Variants in CNIH3 observed in about 807,000 individuals in gnomAD.
CNIH3 encodes the protein cornichon family AMPA receptor auxiliary protein 3.
Under a neutral mutation model 24.1 loss-of-function variants are expected in CNIH3, and 14 were observed. The observed-to-expected ratio is 0.58, with a 90% confidence interval of 0.38 to 0.91. The LOEUF (loss-of-function observed/expected upper bound fraction) is 0.91. Ranked by LOEUF, CNIH3 falls within the 40% of genes least tolerant of loss-of-function variation. The pLI is 0.00. For synonymous variants in CNIH3, 68 were observed against 73.8 expected (o/e 0.92, Z 0.40); for missense variants, 178 against 196.8 (o/e 0.90, Z 0.57).
chr1:224,671,600 A>T (rs756346981), intron 1 of CNIH3, among the ~76,000 whole-genome samples: 1 of 152,224 alleles, frequency 6.6e-6, no homozygotes, highest in Non-Finnish European at 1.5e-5. Context: ...ACGACCTCTC[A>T]TTCTTCTTGA....
intron 1 of CNIH3, among the ~76,000 whole-genome samples, chr1:224,630,258 G>T (rs1055142080): frequency 1.3e-5 from 2 of 152,146 alleles, no homozygotes; most frequent in Admixed American, 1.3e-4. Flanking sequence ...CACATCTGTG[G>T]TTGAGGAGGA....
chr1:224,465,985 G>A (rs979118584), intron 1 of CNIH3, among the ~76,000 whole-genome samples: 6 of 152,070 alleles, frequency 3.9e-5, no homozygotes, highest in African/African-American at 1.2e-4. Flanking sequence ...CTGAGATCTC[G>A]CCATTGCACT....
rs545209118 is a variant in CNIH3 at position 224,716,223 on chromosome 1, A to G, written c.199-14239A>G. Among the ~76,000 whole-genome samples the G allele has an allele frequency of 1.6e-4, 25 of 152,322 alleles. No individual in the cohort carries two copies. The South Asian group carries it at 4.8e-3, about 29-fold the overall frequency. Reference sequence around the variant, plus strand: ...GGTAGGGCCAAAGGATTACTCTTCTACTTCAGCTTTGATTATTATTCTTCA... The same window carrying G: ...GGTAGGGCCAAAGGATTACTCTTCTGCTTCAGCTTTGATTATTATTCTTCA... On this transcript the variant is annotated intron_variant, in intron 3 of 5. Coordinates refer to ENST00000272133, the MANE Select transcript of CNIH3 (RefSeq NM_152495.2).
chr1:224,655,669 C>T (rs1685062448), intron 1 of CNIH3, among the ~76,000 whole-genome samples: 1 of 152,190 alleles, frequency 6.6e-6, no homozygotes, highest in Non-Finnish European at 1.5e-5. Flanking sequence ...TAGCAAAACA[C>T]CCAGGGATCC....
rs1444956539 is a variant in CNIH3 at position 224,725,706 on chromosome 1, CCAA to C, written c.199-4750_199-4748del. 3.3e-5 allele frequency among the ~76,000 whole-genome samples: 5 copies of C among 152,190 alleles called. No homozygotes were observed. The East Asian group carries it at 9.6e-4, about 29-fold the overall frequency. On this transcript the variant is annotated intron_variant, in intron 3 of 5. Coordinates refer to ENST00000272133, the MANE Select transcript of CNIH3 (RefSeq NM_152495.2). Reference sequence around the variant, plus strand: ...ATGAGAGCCAGGAGCAGACGGATCTCCAACAACAGGGGCGCTTGCTGCCTCTTC... The same window carrying C: ...ATGAGAGCCAGGAGCAGACGGATCTCCAACAGGGGCGCTTGCTGCCTCTTC...
In CNIH3 at chr1:224,705,487, C is replaced by A. The variant is rs114103828; in HGVS notation, c.198+20644C>A. Among the ~76,000 whole-genome samples the A allele has an allele frequency of 9.8e-4, 150 of 152,366 alleles. 1 individual carries two copies. In the Middle Eastern group the frequency reaches 0.017, roughly 17 times the overall value. On this transcript the variant is annotated intron_variant, in intron 3 of 5. Coordinates refer to ENST00000272133, the MANE Select transcript of CNIH3 (RefSeq NM_152495.2). ...ATGCAGAGTCACAAGCCACTCTGAT[C>A]AATACCTTTTCTGGTGGCTCAGCAC...
chr1:224,661,112 G>A (rs1685331441), intron 1 of CNIH3: 1 of 183,310 alleles, frequency 5.5e-6, no homozygotes, highest in Admixed American at 5.8e-5. Context: ...AACTGTTTTT[G>A]TTAATCCTCA....
chr1:224,457,119 G>C (rs577939313), intron 1 of CNIH3, among the ~76,000 whole-genome samples: 1 of 152,222 alleles, frequency 6.6e-6, no homozygotes, highest in African/African-American at 2.4e-5. Context: ...GCTCAGGACA[G>C]CAGGCAGGTC....
At chr1:224,494,290 C>T (rs1213866549) in intron 1 of CNIH3, among the ~76,000 whole-genome samples, 1 of 152,154 alleles carries the variant, frequency 6.6e-6, no homozygotes, top group Non-Finnish European at 1.5e-5. Flanking sequence ...CTATCTAGTC[C>T]AAGGGAGTAG....
At chr1:224,722,703 C>T (rs967259546) in intron 3 of CNIH3, among the ~76,000 whole-genome samples, 10 of 152,052 alleles carry the variant, frequency 6.6e-5, no homozygotes, top group Non-Finnish European at 1.5e-4. Context: ...TTAGCAAAAG[C>T]TCCAGGGGGG....
intron 1 of CNIH3, chr1:224,664,844 C>G (rs191062922): frequency 3.9e-5 from 6 of 152,178 alleles, no homozygotes; most frequent in Non-Finnish European, 8.8e-5. Context: ...AAGTGATTCT[C>G]CTGCCTCAGC....
intron 1 of CNIH3, among the ~76,000 whole-genome samples, chr1:224,440,908 C>G (rs372662946): frequency 0.01 from 1,523 of 152,120 alleles, 21 homozygotes; most frequent in African/African-American, 0.035. Context: ...GCTCTGCCTC[C>G]CGGGTTCACA....
intron 3 of CNIH3, among the ~76,000 whole-genome samples, chr1:224,719,760 C>A (rs1289768897): frequency 2.0e-5 from 3 of 152,238 alleles, no homozygotes; most frequent in African/African-American, 7.2e-5. Flanking sequence ...GCCCAAGTTT[C>A]TTGTTCCTTA....
chr1:224,609,046 T>C (rs1402292884), intron 3 of CNIH3, among the ~76,000 whole-genome samples: 1 of 152,182 alleles, frequency 6.6e-6, no homozygotes, highest in Non-Finnish European at 1.5e-5. Flanking sequence ...CAACCAATTA[T>C]TATTTTAGAG....
intron 3 of CNIH3, among the ~76,000 whole-genome samples, chr1:224,692,091 T>A (rs946041077): frequency 6.6e-6 from 1 of 151,816 alleles, no homozygotes; most frequent in Non-Finnish European, 1.5e-5. Flanking sequence ...GCCCAGGAGG[T>A]TGAGATCAGT....
At chr1:224,662,712 C>A (rs1179063314) in intron 1 of CNIH3, among the ~76,000 whole-genome samples, 1 of 152,114 alleles carries the variant, frequency 6.6e-6, no homozygotes, top group African/African-American at 2.4e-5. Flanking sequence ...CAATTTGGTA[C>A]CATGTAAAGA....
chr1:224,575,452 T>G, intron 4 of CNIH3: 1 of 768,326 alleles, frequency 1.3e-6, no homozygotes. Flanking sequence ...ATTTTTTTTT[T>G]TCCTTGCAAA....
At chr1:224,451,740 C>T (rs1317337581) in intron 1 of CNIH3, among the ~76,000 whole-genome samples, 2 of 152,214 alleles carry the variant, frequency 1.3e-5, no homozygotes, top group East Asian at 3.8e-4. Context: ...CTGGCTTTAA[C>T]AGTCTTGGCT....
At chr1:224,563,636 T>C (rs985195943) in intron 3 of CNIH3, among the ~76,000 whole-genome samples, 1 of 152,192 alleles carries the variant, frequency 6.6e-6, no homozygotes, top group African/African-American at 2.4e-5. Context: ...CTCTGTCAGC[T>C]AGCCAGTATT....
Sources: allele counts gnomAD v4.1 joint callset (sites outside exome capture counted in the v4.1 genomes callset), GRCh38; gene constraint gnomAD v4.1.1; transcripts MANE v1.5; gene names NCBI Gene and HGNC (gene_info 2026-07-23, HGNC 2026-07-21).